The following ACYP2 variants were observed in gnomAD, a reference collection of about 807,000 sequenced individuals.
ACYP2 encodes the protein acylphosphatase-2.
Under a neutral mutation model 11.2 loss-of-function variants are expected in ACYP2, and 12 were observed. That is an observed-to-expected ratio of 1.08 (90% confidence interval 0.69 to 1.74). The LOEUF (loss-of-function observed/expected upper bound fraction) is 1.74, where lower values mean the gene tolerates loss of function less well. Ranked by LOEUF, ACYP2 falls within the 40% of genes most tolerant of loss-of-function variation. ACYP2 has a pLI of 0.00. For synonymous variants in ACYP2, 43 were observed against 32.2 expected (o/e 1.33, Z -1.13); for missense variants, 134 against 101.9 (o/e 1.31, Z -1.35).
chr2:54,087,474 C>A (rs1678002137), intron 4 of ACYP2, among the ~76,000 whole-genome samples: 1 of 152,060 alleles, frequency 6.6e-6, no homozygotes, highest in African/African-American at 2.4e-5. Flanking sequence ...TTAACCTCCG[C>A]AGTAGCTAGG....
At chr2:54,073,770 T>A (rs1677186025) in intron 4 of ACYP2, among the ~76,000 whole-genome samples, 1 of 152,218 alleles carries the variant, frequency 6.6e-6, no homozygotes, top group South Asian at 2.1e-4. Context: ...AATAAGCACA[T>A]GAAAAGTTGC....
At chr2:53,983,296 A>G (rs1422234170) in intron 2 of ACYP2, among the ~76,000 whole-genome samples, 2 of 152,180 alleles carry the variant, frequency 1.3e-5, no homozygotes, top group Non-Finnish European at 2.9e-5. Context: ...ACTTGAGTCC[A>G]GGAGTTCAAG....
intron 6 of ACYP2, among the ~76,000 whole-genome samples, chr2:54,279,365 C>T (rs1379824223): frequency 6.6e-6 from 1 of 152,208 alleles, no homozygotes; most frequent in African/African-American, 2.4e-5. Context: ...ATATGGACCA[C>T]AAGCCTACCA....
chr2:54,032,800 C>T (rs1674658748), intron 2 of ACYP2, among the ~76,000 whole-genome samples: 1 of 152,064 alleles, frequency 6.6e-6, no homozygotes, highest in African/African-American at 2.4e-5. Context: ...AACTACAAAC[C>T]ACTGTTCGAT....
chr2:54,167,761 C>T (rs868558873), intron 6 of ACYP2, among the ~76,000 whole-genome samples: 150 of 152,146 alleles, frequency 9.9e-4, no homozygotes, highest in African/African-American at 3.4e-3. Flanking sequence ...TATTTAAATA[C>T]TTTGGGCTTT....
At chr2:54,059,869 G>A (rs144198784) in intron 4 of ACYP2, among the ~76,000 whole-genome samples, 2 of 152,178 alleles carry the variant, frequency 1.3e-5, no homozygotes, top group African/African-American at 4.8e-5. Context: ...TGTTAGAACT[G>A]GGAAAGGATT....
chr2:54,017,493 G>T (rs1338358585), intron 2 of ACYP2, among the ~76,000 whole-genome samples: 1 of 151,978 alleles, frequency 6.6e-6, no homozygotes, highest in African/African-American at 2.4e-5. Context: ...GACCTCAAGT[G>T]ATCTGCCCAC....
At chr2:54,009,126 C>T (rs920840847) in intron 2 of ACYP2, among the ~76,000 whole-genome samples, 1 of 150,662 alleles carries the variant, frequency 6.6e-6, no homozygotes, top group African/African-American at 2.5e-5. Flanking sequence ...GCACTCCAGT[C>T]TGGGCAACAG....
intron 6 of ACYP2, among the ~76,000 whole-genome samples, chr2:54,258,197 G>C (rs1029904782): frequency 2.6e-5 from 4 of 151,570 alleles, no homozygotes; most frequent in Non-Finnish European, 4.4e-5. Context: ...AAAAACAATA[G>C]AGCAAGGAGA....
intron 6 of ACYP2, among the ~76,000 whole-genome samples, chr2:54,252,111 T>A (rs1399780010): frequency 6.6e-6 from 1 of 152,222 alleles, no homozygotes; most frequent in Non-Finnish European, 1.5e-5. Flanking sequence ...CTATTCTGAC[T>A]TCTACCACCA....
chr2:54,176,643 A>T (rs1319890857), intron 6 of ACYP2, among the ~76,000 whole-genome samples: 1 of 152,200 alleles, frequency 6.6e-6, no homozygotes, highest in Non-Finnish European at 1.5e-5. Context: ...CTGACATCTT[A>T]GTGGATGTTG....
intron 6 of ACYP2, among the ~76,000 whole-genome samples, chr2:54,256,816 GTTTGTTTTGT>G (rs577024551): frequency 1.3e-5 from 2 of 151,122 alleles, no homozygotes; most frequent in South Asian, 2.1e-4. Flanking sequence ...TTTTTTGTTT[GTTTGTTTTGT>G]TTTGTTTTGT....
chr2:54,245,412 T>C (rs1054277629), intron 6 of ACYP2, among the ~76,000 whole-genome samples: 2 of 152,230 alleles, frequency 1.3e-5, no homozygotes, highest in Non-Finnish European at 2.9e-5. Flanking sequence ...GTGGGATTGT[T>C]GGTTCATATG....
intron 6 of ACYP2, among the ~76,000 whole-genome samples, chr2:54,157,749 A>G (rs1444696909): frequency 5.3e-5 from 8 of 152,196 alleles, no homozygotes; most frequent in Admixed American, 2.6e-4. Flanking sequence ...CTTGCAGAAG[A>G]GAGTGGTGGT....
chr2:54,145,371 C>G (rs180775757), intron 6 of ACYP2, among the ~76,000 whole-genome samples: 127 of 152,292 alleles, frequency 8.3e-4, no homozygotes, highest in African/African-American at 2.8e-3. Context: ...AATGAAGGAA[C>G]TGATTTTTCC....
intron 2 of ACYP2, among the ~76,000 whole-genome samples, chr2:54,039,092 A>G (rs1316810891): frequency 6.6e-6 from 1 of 152,082 alleles, no homozygotes; most frequent in Non-Finnish European, 1.5e-5. Context: ...GCGTGCTCCT[A>G]TAATAGAACA....
intron 4 of ACYP2, among the ~76,000 whole-genome samples, chr2:54,098,211 C>T (rs1678700618): frequency 6.6e-6 from 1 of 152,116 alleles, no homozygotes. Context: ...TTAGGAGATC[C>T]ACCTGCCTCA....
chr2:54,067,372 C>T (rs948121492), intron 4 of ACYP2, among the ~76,000 whole-genome samples: 2 of 152,200 alleles, frequency 1.3e-5, no homozygotes, highest in Non-Finnish European at 1.5e-5. Flanking sequence ...CCATTGTCAA[C>T]GAGAGCATCA....
At chr2:54,235,542 G>C (rs1298788048) in intron 6 of ACYP2, among the ~76,000 whole-genome samples, 1 of 152,110 alleles carries the variant, frequency 6.6e-6, no homozygotes, top group Non-Finnish European at 1.5e-5. Flanking sequence ...AGTAGAGGCA[G>C]GGTTTCACCA....
Sources: gnomAD v4.1 joint callset for allele counts (sites outside exome capture counted in the v4.1 genomes callset) on GRCh38, gnomAD v4.1.1 for gene constraint, MANE v1.5 for transcripts, NCBI Gene and HGNC (gene_info 2026-07-23, HGNC 2026-07-21) for gene names.